Variants in TNFSF4 observed in about 807,000 individuals in gnomAD.
TNFSF4 encodes the protein TNF superfamily member 4.
In TNFSF4, 4 loss-of-function variants were observed where a neutral mutation model predicts 7.3. The ratio of observed to expected loss-of-function variants is 0.55; its 90% CI spans 0.27 to 1.25. TNFSF4 has a LOEUF of 1.25. Among genes scored for constraint, TNFSF4 ranks in the 50% most tolerant of loss-of-function variants. The pLI is 0.12. For missense variants in TNFSF4, 181 were observed against 208.8 expected, an observed-to-expected ratio of 0.87 and a Z score of 0.82; for synonymous variants, 76 against 83.7, an observed-to-expected ratio of 0.91 and a Z score of 0.50.
At chr1:173,375,390 C>G in the TNFSF4 span, among the ~76,000 whole-genome samples, 1 of 152,214 alleles carries the variant, frequency 6.6e-6, no homozygotes, top group Non-Finnish European at 1.5e-5. Context: ...CAATTCCCAA[C>G]AGCAGTTGGG....
At chr1:173,388,777 GTAAA>G in the TNFSF4 span, among the ~76,000 whole-genome samples, 2 of 152,196 alleles carry the variant, frequency 1.3e-5, no homozygotes, top group African/African-American at 4.8e-5. Flanking sequence ...TAATGAATCT[GTAAA>G]TACATATTTT....
At chr1:173,258,616 C>T in the TNFSF4 span, among the ~76,000 whole-genome samples, 2 of 152,106 alleles carry the variant, frequency 1.3e-5, no homozygotes, top group African/African-American at 2.4e-5. Context: ...ACTGAGTTCC[C>T]GGGGTGAGAG....
chr1:173,278,574 G>A, the TNFSF4 span, among the ~76,000 whole-genome samples: 3 of 152,070 alleles, frequency 2.0e-5, no homozygotes, highest in African/African-American at 7.2e-5. Context: ...TCACTGGAAA[G>A]TAGTCTTCAA....
At chr1:173,368,795 C>T in the TNFSF4 span, among the ~76,000 whole-genome samples, 1 of 152,164 alleles carries the variant, frequency 6.6e-6, no homozygotes, top group Non-Finnish European at 1.5e-5. Context: ...TATCCTGACC[C>T]TTGCCTCCTA....
the TNFSF4 span, among the ~76,000 whole-genome samples, chr1:173,281,741 G>A: frequency 2.6e-5 from 4 of 152,052 alleles, no homozygotes; most frequent in African/African-American, 9.7e-5. Context: ...CAAATCTTCA[G>A]CCAACATTAT....
At chr1:173,197,500 C>T (rs574427889) in intron 1 of TNFSF4, among the ~76,000 whole-genome samples, 132 of 152,294 alleles carry the variant, frequency 8.7e-4, no homozygotes, top group Admixed American at 2.2e-3. Context: ...GAATGGAATA[C>T]TGTGCAGCCA....
At chr1:173,193,078 G>C (rs1453901057) in intron 1 of TNFSF4, among the ~76,000 whole-genome samples, 1 of 152,120 alleles carries the variant, frequency 6.6e-6, no homozygotes, top group Non-Finnish European at 1.5e-5. Context: ...TATCATATCA[G>C]TGCTCTGACT....
chr1:173,221,463 C>T, the TNFSF4 span, among the ~76,000 whole-genome samples: 3 of 151,986 alleles, frequency 2.0e-5, no homozygotes, highest in African/African-American at 4.8e-5. Context: ...AAGAGGGTGA[C>T]GAATTATCAG....
the TNFSF4 span, among the ~76,000 whole-genome samples, chr1:173,433,641 T>C: frequency 2.6e-5 from 4 of 151,952 alleles, no homozygotes; most frequent in African/African-American, 9.7e-5. Context: ...AGATCAAGGC[T>C]GCAGTGAGCT....
At chr1:173,264,954 T>A in the TNFSF4 span, among the ~76,000 whole-genome samples, 1 of 152,198 alleles carries the variant, frequency 6.6e-6, no homozygotes, top group African/African-American at 2.4e-5. Context: ...AAATTTGAAT[T>A]CAGACCATCA....
At chr1:173,265,679 TC>T in the TNFSF4 span, among the ~76,000 whole-genome samples, 1 of 152,134 alleles carries the variant, frequency 6.6e-6, no homozygotes, top group East Asian at 1.9e-4. Flanking sequence ...GCAAATCCTT[TC>T]CACTCTTCAA....
At chr1:173,425,360 G>A in the TNFSF4 span, among the ~76,000 whole-genome samples, 7 of 152,236 alleles carry the variant, frequency 4.6e-5, no homozygotes, top group African/African-American at 7.2e-5. Flanking sequence ...CATTTAGAAA[G>A]ACTATTTCAT....
chr1:173,324,954 A>G, the TNFSF4 span, among the ~76,000 whole-genome samples: 2 of 152,192 alleles, frequency 1.3e-5, no homozygotes, highest in Non-Finnish European at 2.9e-5. Flanking sequence ...AGACAGATCA[A>G]CGCAACAGAA....
At chr1:173,322,844 C>T in the TNFSF4 span, among the ~76,000 whole-genome samples, 28 of 152,266 alleles carry the variant, frequency 1.8e-4, no homozygotes, top group Middle Eastern at 3.4e-3. Context: ...TGGGGAGGGG[C>T]GCCCACCATT....
the TNFSF4 span, among the ~76,000 whole-genome samples, chr1:173,427,677 A>C: frequency 6.6e-6 from 1 of 152,166 alleles, no homozygotes; most frequent in Non-Finnish European, 1.5e-5. Flanking sequence ...CATTCTGAGA[A>C]ATGTGTTATT....
chr1:173,302,315 T>G, the TNFSF4 span, among the ~76,000 whole-genome samples: 1 of 151,890 alleles, frequency 6.6e-6, no homozygotes, highest in Non-Finnish European at 1.5e-5. Context: ...GAAAAAGAGT[T>G]ATTTTATTTT....
At chr1:173,423,959 C>T in the TNFSF4 span, among the ~76,000 whole-genome samples, 14 of 152,082 alleles carry the variant, frequency 9.2e-5, no homozygotes, top group African/African-American at 2.7e-4. Flanking sequence ...CAAGGAGGTA[C>T]CTTACGCACT....
chr1:173,327,764 C>A, the TNFSF4 span, among the ~76,000 whole-genome samples: 5 of 152,222 alleles, frequency 3.3e-5, no homozygotes, highest in Non-Finnish European at 7.3e-5. Context: ...TGCCCATCAT[C>A]ACTGGCCATC....
chr1:173,203,096 G>C (rs371145397), intron 1 of TNFSF4, among the ~76,000 whole-genome samples: 3 of 152,022 alleles, frequency 2.0e-5, no homozygotes, highest in African/African-American at 7.3e-5. Flanking sequence ...GCCTCAAATG[G>C]TACCTAGCAC....
Sources: gnomAD v4.1 joint callset for allele counts (sites outside exome capture counted in the v4.1 genomes callset) on GRCh38, gnomAD v4.1.1 for gene constraint, MANE v1.5 for transcripts, NCBI Gene and HGNC (gene_info 2026-07-23, HGNC 2026-07-21) for gene names.